CHCHD3: variants seen among roughly 807,000 people sequenced by gnomAD.
CHCHD3 encodes the protein MICOS complex subunit MIC19.
In CHCHD3, 20 loss-of-function variants were observed where a neutral mutation model predicts 38.2. That is an observed-to-expected ratio of 0.52 (90% CI 0.37 to 0.76). The LOEUF (loss-of-function observed/expected upper bound fraction) is 0.76, where lower values mean the gene tolerates loss of function less well. Ranked by LOEUF, CHCHD3 falls within the 30% of genes least tolerant of loss-of-function variation. The pLI is 0.00. For missense variants in CHCHD3, 245 were observed against 279.2 expected, an observed-to-expected ratio of 0.88 and a Z score of 0.87; for synonymous variants, 82 against 100.0, an observed-to-expected ratio of 0.82 and a Z score of 1.07.
chr7:132,850,640 C>T (rs1314193436), intron 5 of CHCHD3, among the ~76,000 whole-genome samples: 1 of 152,024 alleles, frequency 6.6e-6, no homozygotes, highest in South Asian at 2.1e-4. Flanking sequence ...TATTTGTTCA[C>T]TTTTTTACTT....
chr7:132,827,738 G>A (rs574711461), intron 6 of CHCHD3, among the ~76,000 whole-genome samples: 3 of 152,118 alleles, frequency 2.0e-5, no homozygotes, highest in Non-Finnish European at 4.4e-5. Flanking sequence ...GGCAAATGTT[G>A]CCTATTTTTG....
chr7:133,053,545 A>G (rs1814228972), intron 2 of CHCHD3, among the ~76,000 whole-genome samples: 1 of 152,220 alleles, frequency 6.6e-6, no homozygotes, highest in Admixed American at 6.5e-5. Flanking sequence ...TCTATGAAGA[A>G]TCCCTAGTAA....
At chr7:132,903,979 G>T (rs1809731863) in intron 4 of CHCHD3, among the ~76,000 whole-genome samples, 1 of 152,190 alleles carries the variant, frequency 6.6e-6, no homozygotes, top group Admixed American at 6.5e-5. Context: ...TTGAACAAAG[G>T]ACAGGCATGG....
At chr7:132,874,675 C>A (rs1585593790) in intron 5 of CHCHD3, among the ~76,000 whole-genome samples, 1 of 152,272 alleles carries the variant, frequency 6.6e-6, no homozygotes, top group South Asian at 2.1e-4. Flanking sequence ...GGGCATGGTG[C>A]TGAATCTTGA....
At chr7:132,946,589 T>G (rs183845473) in intron 4 of CHCHD3, among the ~76,000 whole-genome samples, 2 of 151,994 alleles carry the variant, frequency 1.3e-5, no homozygotes, top group East Asian at 3.9e-4. Flanking sequence ...ATGAGTCTCC[T>G]AGTCTAATTT....
At chr7:132,989,347 A>G (rs1045052567) in intron 3 of CHCHD3, among the ~76,000 whole-genome samples, 2 of 152,182 alleles carry the variant, frequency 1.3e-5, no homozygotes, top group Non-Finnish European at 2.9e-5. Flanking sequence ...ATTCACAATA[A>G]AATTTTGTTG....
chr7:133,076,090 T>G lies in CHCHD3; in HGVS notation c.81+5767A>C, dbSNP rs115106252. On this transcript the variant is annotated intron_variant, in intron 1 of 7. Transcript: ENST00000262570. The stretch of plus-strand genomic sequence containing the variant: ...AAAAAAAAAAAAAAAAAAAGTATCT[T>G]CTTCAGGAAACATATCTTTTCCTGA... Among the ~76,000 whole-genome samples, 677 of 150,720 alleles carry G rather than the reference T, an allele frequency of 4.5e-3. 6 individuals carry two copies. The highest frequency in any genetic ancestry group is 0.016 in the African/African-American group (646 of 41,180).
At chr7:133,064,794 T>C (rs10274846) in intron 2 of CHCHD3, among the ~76,000 whole-genome samples, 1,568 of 152,324 alleles carry the variant, frequency 0.01, 31 homozygotes, top group African/African-American at 0.036. Flanking sequence ...AGTTAGGTCA[T>C]TTGTCTTGTT....
chr7:132,915,868 A>G (rs1810091018), intron 4 of CHCHD3, among the ~76,000 whole-genome samples: 4 of 152,044 alleles, frequency 2.6e-5, no homozygotes, highest in Admixed American at 2.6e-4. Flanking sequence ...TCAGGGAACA[A>G]TGGGTACTAA....
chr7:132,991,587 T>C (rs1812285885), intron 3 of CHCHD3, among the ~76,000 whole-genome samples: 1 of 152,188 alleles, frequency 6.6e-6, no homozygotes, highest in African/African-American at 2.4e-5. Context: ...AAAAATCTCA[T>C]ACTCTTTTCT....
chr7:133,080,575 TA>T (rs1815144113), intron 1 of CHCHD3, among the ~76,000 whole-genome samples: 1 of 152,244 alleles, frequency 6.6e-6, no homozygotes, highest in Admixed American at 6.5e-5. Flanking sequence ...AATCTCTGCA[TA>T]AAACTTAAAG....
At chr7:133,081,311 GA>G (rs1488093501) in intron 1 of CHCHD3, among the ~76,000 whole-genome samples, 1 of 151,770 alleles carries the variant, frequency 6.6e-6, no homozygotes, top group Non-Finnish European at 1.5e-5. Context: ...GGAGAAGCCA[GA>G]AGCCGCCCCA....
At chr7:132,956,513 G>A (rs1811172284) in intron 4 of CHCHD3, among the ~76,000 whole-genome samples, 1 of 152,162 alleles carries the variant, frequency 6.6e-6, no homozygotes. Flanking sequence ...GTTATGACAG[G>A]CAAGTCAAGT....
chr7:132,805,204 C>T (rs1195934405), intron 6 of CHCHD3, among the ~76,000 whole-genome samples: 1 of 152,154 alleles, frequency 6.6e-6, no homozygotes, highest in African/African-American at 2.4e-5. Flanking sequence ...GAGAAACATA[C>T]ACACTCATAA....
chr7:132,965,960 G>A (rs1322174190), intron 4 of CHCHD3, among the ~76,000 whole-genome samples: 1 of 152,178 alleles, frequency 6.6e-6, no homozygotes, highest in Non-Finnish European at 1.5e-5. Flanking sequence ...TGACAATGAA[G>A]ACATTTGATA....
intron 3 of CHCHD3, among the ~76,000 whole-genome samples, chr7:132,983,965 T>TCCTCCTCTCCCTCTC (rs1305030376): frequency 1.0e-5 from 1 of 99,260 alleles, no homozygotes; most frequent in Non-Finnish European, 2.0e-5. Flanking sequence ...TCGGAAAGGC[T>TCCTCCTCTCCCTCTC]CCTCCTCTCC....
At chr7:132,829,272 AATG>A (rs1419897155) in intron 6 of CHCHD3, among the ~76,000 whole-genome samples, 9 of 152,296 alleles carry the variant, frequency 5.9e-5, no homozygotes, top group African/African-American at 2.2e-4. Flanking sequence ...TAGAACTCAG[AATG>A]ATCTCATTTA....
intron 6 of CHCHD3, among the ~76,000 whole-genome samples, chr7:132,825,747 T>C (rs1807492573): frequency 6.6e-6 from 1 of 152,214 alleles, no homozygotes; most frequent in Admixed American, 6.5e-5. Context: ...CTTTGATCAC[T>C]TCATCTTGTT....
At chr7:132,886,621 AGTGT>A (rs976041428) in intron 4 of CHCHD3, among the ~76,000 whole-genome samples, 2 of 151,310 alleles carry the variant, frequency 1.3e-5, no homozygotes, top group East Asian at 3.9e-4. Context: ...CTTATAAGAA[AGTGT>A]GTGTGTGTAT....
Sources: gnomAD v4.1 joint callset for allele counts (sites outside exome capture counted in the v4.1 genomes callset) on GRCh38, gnomAD v4.1.1 for gene constraint, MANE v1.5 for transcripts, NCBI Gene and HGNC (gene_info 2026-07-23, HGNC 2026-07-21) for gene names.